SAMD12: variants seen among roughly 807,000 people sequenced by gnomAD.
SAMD12 encodes sterile alpha motif domain-containing protein 12.
A neutral mutation model predicts 15.0 loss-of-function variants in SAMD12; 9 were observed. That is an observed-to-expected ratio of 0.60 (90% CI 0.36 to 1.05). The LOEUF is 1.05. SAMD12 is among the 50% of genes least tolerant of loss of function. SAMD12 has a pLI of 0.01. For synonymous variants in SAMD12, 86 were observed against 90.1 expected (o/e 0.96, Z 0.25); for missense variants, 230 against 234.2 (o/e 0.98, Z 0.12).
rs1211639237 is a variant in SAMD12, at chr8:118,411,087, T to G, written c.322+28745A>C. 1.3e-5 allele frequency among the ~76,000 whole-genome samples: 2 copies of G among 152,186 alleles called. 1 individual carries two copies. The highest frequency in any genetic ancestry group is 2.9e-5 in the Non-Finnish European group (2 of 68,050). ...GACATTTTAGAAACACTGTTGAGTA[T>G]AGTATTTTAGAAAACATAAAATGTG... On this transcript the variant is annotated intron_variant, in intron 3 of 3. Transcript: ENST00000314727.
At chr8:118,407,613 A>C (rs184283552) in intron 3 of SAMD12, among the ~76,000 whole-genome samples, 32 of 152,280 alleles carry the variant, frequency 2.1e-4, no homozygotes, top group African/African-American at 7.0e-4. Context: ...TTTTTAAACT[A>C]ACCAACTAGG....
chr8:118,620,050 C>A (rs1185763601), intron 1 of SAMD12, among the ~76,000 whole-genome samples: 2 of 152,210 alleles, frequency 1.3e-5, no homozygotes, highest in African/African-American at 4.8e-5. Flanking sequence ...AATAAACTCT[C>A]CATAGTCCAC....
intron 2 of SAMD12, among the ~76,000 whole-genome samples, chr8:118,548,007 G>A (rs1442202525): frequency 6.6e-6 from 1 of 152,088 alleles, no homozygotes; most frequent in African/African-American, 2.4e-5. Context: ...GTCACTCGAG[G>A]TTACCAAACC....
At chr8:118,461,327 A>G (rs1823416216) in intron 2 of SAMD12, among the ~76,000 whole-genome samples, 1 of 152,228 alleles carries the variant, frequency 6.6e-6, no homozygotes, top group Admixed American at 6.5e-5. Context: ...CAGTCCTTTA[A>G]CAAAGGTTCA....
chr8:118,170,532 T>C, the SAMD12 span, among the ~76,000 whole-genome samples: 1 of 152,198 alleles, frequency 6.6e-6, no homozygotes, highest in East Asian at 1.9e-4. Context: ...AACTCCTGCA[T>C]CTATGATTAA....
intron 4 of SAMD12, among the ~76,000 whole-genome samples, chr8:118,338,084 G>T (rs1252829298): frequency 6.6e-6 from 1 of 152,198 alleles, no homozygotes; most frequent in Non-Finnish European, 1.5e-5. Context: ...TCTAAAGACA[G>T]AAGTCTTGGG....
chr8:118,168,694 T>C, the SAMD12 span, among the ~76,000 whole-genome samples: 1 of 152,122 alleles, frequency 6.6e-6, no homozygotes, highest in Non-Finnish European at 1.5e-5. Context: ...TTTGCTGCCC[T>C]AACCTAAGTA....
At chr8:118,613,315 TGA>T in intron 1 of SAMD12, among the ~76,000 whole-genome samples, 1 of 152,268 alleles carries the variant, frequency 6.6e-6, no homozygotes, top group Admixed American at 6.5e-5. Flanking sequence ...AAATTAATAG[TGA>T]GTTTCAATGG....
At chr8:118,305,398 G>T (rs1815287369) in intron 4 of SAMD12, among the ~76,000 whole-genome samples, 1 of 152,004 alleles carries the variant, frequency 6.6e-6, no homozygotes, top group Non-Finnish European at 1.5e-5. Flanking sequence ...TTGTCCTTTT[G>T]TATCTGGTTT....
chr8:118,420,468 A>G (rs1821945836), intron 3 of SAMD12, among the ~76,000 whole-genome samples: 1 of 152,242 alleles, frequency 6.6e-6, no homozygotes, highest in East Asian at 1.9e-4. Context: ...GAATAACTGC[A>G]AACAGTCAAA....
Position 118,393,077 on chromosome 8 carries a change from G to A in SAMD12, c.323-13377C>T, listed in dbSNP as rs575964761. 9.9e-5 allele frequency among the ~76,000 whole-genome samples: 15 copies of A among 152,268 alleles called. No individual in the cohort carries two copies. In the East Asian group the frequency reaches 2.5e-3, roughly 25 times the overall value. Reference sequence around the variant, plus strand: ...TTTTGGGAAAAATCACCCACTATATGTCAGGCTCTTTTCTACCCACTGTCT... The same window carrying A: ...TTTTGGGAAAAATCACCCACTATATATCAGGCTCTTTTCTACCCACTGTCT... On this transcript the variant is annotated intron_variant, in intron 3 of 3. Coordinates refer to ENST00000314727, the MANE Select transcript of SAMD12 (RefSeq NM_207506.3).
intron 3 of SAMD12, among the ~76,000 whole-genome samples, chr8:118,434,343 T>C (rs1822510431): frequency 6.6e-6 from 1 of 152,232 alleles, no homozygotes; most frequent in Non-Finnish European, 1.5e-5. Flanking sequence ...CTATTTGTTC[T>C]TGTAGACATC....
At chr8:118,472,571 A>C (rs1229738187) in intron 2 of SAMD12, among the ~76,000 whole-genome samples, 1 of 152,092 alleles carries the variant, frequency 6.6e-6, no homozygotes, top group Non-Finnish European at 1.5e-5. Context: ...GCTACTTGGG[A>C]GGCTGAGGTG....
At chr8:118,415,163 C>T (rs1406718140) in intron 3 of SAMD12, among the ~76,000 whole-genome samples, 1 of 152,164 alleles carries the variant, frequency 6.6e-6, no homozygotes, top group East Asian at 1.9e-4. Context: ...TTCAAAACAA[C>T]TGCACAACAC....
chr8:118,164,314 G>T, the SAMD12 span, among the ~76,000 whole-genome samples: 2 of 152,120 alleles, frequency 1.3e-5, no homozygotes, highest in African/African-American at 4.8e-5. Context: ...GTCTTCTCTG[G>T]ATTTTGAAGG....
chr8:118,277,312 G>A (rs1012880511), intron 4 of SAMD12, among the ~76,000 whole-genome samples: 21 of 152,270 alleles, frequency 1.4e-4, no homozygotes, highest in Non-Finnish European at 2.8e-4. Context: ...GTGAAGTAGA[G>A]ATTTATGGAT....
At chr8:118,132,160 A>G in the SAMD12 span, among the ~76,000 whole-genome samples, 1 of 152,236 alleles carries the variant, frequency 6.6e-6, no homozygotes, top group Non-Finnish European at 1.5e-5. Context: ...TTCATACATT[A>G]CCATATGGAT....
At chr8:118,196,394 T>C (rs1212766549) in exon 5 of SAMD12, 1 of 152,164 alleles carries the variant, frequency 6.6e-6, no homozygotes, top group African/African-American at 2.4e-5. Context: ...AAAAACATGC[T>C]ACAGTGTTAT....
At chr8:118,546,024 C>T (rs755285666) in intron 2 of SAMD12, among the ~76,000 whole-genome samples, 3 of 152,174 alleles carry the variant, frequency 2.0e-5, no homozygotes, top group Non-Finnish European at 4.4e-5. Flanking sequence ...CATACCTCTC[C>T]ATGGAGCACA....
Sources: allele counts gnomAD v4.1 joint callset (sites outside exome capture counted in the v4.1 genomes callset), GRCh38; gene constraint gnomAD v4.1.1; transcripts MANE v1.5; gene names NCBI Gene and HGNC (gene_info 2026-07-23, HGNC 2026-07-21).